The following MARCHF4 variants were observed in gnomAD, a reference collection of about 807,000 sequenced individuals.
MARCHF4 encodes E3 ubiquitin-protein ligase MARCHF4.
A neutral mutation model predicts 43.9 loss-of-function variants in MARCHF4; 14 were observed. The observed-to-expected ratio is 0.32, with a 90% CI of 0.21 to 0.50. MARCHF4 has a LOEUF of 0.50. Among genes scored for constraint, MARCHF4 ranks in the 20% least tolerant of loss-of-function variants. MARCHF4 has a pLI of 0.98. For missense variants in MARCHF4, 468 were observed against 536.7 expected, an observed-to-expected ratio of 0.87 and a Z score of 1.27; for synonymous variants, 226 against 213.3, an observed-to-expected ratio of 1.06 and a Z score of -0.52.
Position 216,282,615 on chromosome 2 carries a change from C to G in MARCHF4, c.672+959G>C, listed in dbSNP as rs113352345. ...TGGAGGTATTTTCAGAAGCAAAATG[C>G]TCTTTGTATGTGTGTGCTCCTCAAA... On this transcript the variant is annotated intron_variant, in intron 2 of 3. Coordinates refer to ENST00000273067, the MANE Select transcript of MARCHF4 (RefSeq NM_020814.3). Among the ~76,000 whole-genome samples the G allele has an allele frequency of 7.2e-3, 1,103 of 152,270 alleles. 13 individuals carry two copies. The highest frequency in any genetic ancestry group is 0.025 in the African/African-American group (1,047 of 41,530).
intron 1 of MARCHF4, among the ~76,000 whole-genome samples, chr2:216,309,627 T>C (rs1691650754): frequency 6.6e-6 from 1 of 152,140 alleles, no homozygotes; most frequent in African/African-American, 2.4e-5. Context: ...TTAAGCTTTA[T>C]TGGAAAAAAC....
At chr2:216,320,691 G>T (rs1574476169) in intron 1 of MARCHF4, among the ~76,000 whole-genome samples, 2 of 102,126 alleles carry the variant, frequency 2.0e-5, no homozygotes, top group African/African-American at 3.8e-5. Flanking sequence ...TTTTTTTTGA[G>T]ATGGAGTCCC....
chr2:216,304,457 G>A (rs1002536625), intron 1 of MARCHF4, among the ~76,000 whole-genome samples: 1 of 152,192 alleles, frequency 6.6e-6, no homozygotes, highest in Non-Finnish European at 1.5e-5. Flanking sequence ...AGAGGAAAGA[G>A]AAGCTGTTTG....
At chr2:216,282,413 C>A (rs908439316) in intron 2 of MARCHF4, among the ~76,000 whole-genome samples, 6 of 152,136 alleles carry the variant, frequency 3.9e-5, no homozygotes, top group Non-Finnish European at 7.4e-5. Context: ...CATGCAAAGA[C>A]CCCACCGCCA....
At chr2:216,318,616 G>A (rs988700520) in intron 1 of MARCHF4, among the ~76,000 whole-genome samples, 1 of 152,170 alleles carries the variant, frequency 6.6e-6, no homozygotes, top group Non-Finnish European at 1.5e-5. Context: ...CAGACAGGGA[G>A]GAGGGCAAGT....
chr2:216,354,915 CTTT>C (rs1692464704), intron 1 of MARCHF4, among the ~76,000 whole-genome samples: 5 of 98,550 alleles, frequency 5.1e-5, no homozygotes, highest in Non-Finnish European at 1.0e-4. Context: ...TTCTTTCTTT[CTTT>C]CTTTCTTTCT....
Position 216,277,376 on chromosome 2 carries a change from G to C in MARCHF4, c.865+296C>G, listed in dbSNP as rs143648371. 1.2e-3 allele frequency among the ~76,000 whole-genome samples: 180 copies of C among 152,330 alleles called. 1 individual carries two copies. The highest frequency in any genetic ancestry group is 3.4e-3 in the Middle Eastern group (1 of 294). On this transcript the variant is annotated intron_variant, in intron 3 of 3. Transcript: ENST00000273067. ...AGAGGAGGCCATGCACATCCTGCTT[G>C]AAGTACATAGACTAACAATTTTTCC...
At chr2:216,320,655 C>CTTTCTTTCTTTA (rs1202098724) in intron 1 of MARCHF4, among the ~76,000 whole-genome samples, 1 of 109,312 alleles carries the variant, frequency 9.1e-6, no homozygotes, top group Non-Finnish European at 1.9e-5. Flanking sequence ...TTCTTTCTTT[C>CTTTCTTTCTTTA]TTTCTTTCTT....
chr2:216,283,392 G>T (rs1691163261), intron 2 of MARCHF4, among the ~76,000 whole-genome samples, 182 bp downstream of exon 2: 1 of 151,972 alleles, frequency 6.6e-6, no homozygotes, highest in Non-Finnish European at 1.5e-5. Context: ...AAGCTTAAGA[G>T]AAAACACAAA....
At chr2:216,348,473 G>A (rs1276224050) in intron 1 of MARCHF4, among the ~76,000 whole-genome samples, 7 of 152,170 alleles carry the variant, frequency 4.6e-5, no homozygotes, top group African/African-American at 1.7e-4. Context: ...TGATGAGAGT[G>A]ACCTCTGGTT....
chr2:216,355,247 C>G (rs1692483061), intron 1 of MARCHF4, among the ~76,000 whole-genome samples: 1 of 152,104 alleles, frequency 6.6e-6, no homozygotes, highest in Non-Finnish European at 1.5e-5. Context: ...GCTGGGATTA[C>G]AGACGTGAGC....
chr2:216,371,201 C>G lies in MARCHF4; in HGVS notation c.-941G>C, dbSNP rs1692753991. ...GGGTGTGTGTACCGGGGTGAGAGGGCAGTGGAGCAGAGAATAGGGGTAGAG... is the reference window on the plus strand; with the variant it reads ...GGGTGTGTGTACCGGGGTGAGAGGGGAGTGGAGCAGAGAATAGGGGTAGAG... On this transcript the variant is annotated 5_prime_UTR_variant, in exon 1 of 4. Transcript: ENST00000273067. 2 of 152,718 alleles carry G rather than the reference C, an allele frequency of 1.3e-5. No homozygotes were observed. The highest frequency in any genetic ancestry group is 4.1e-4 in the South Asian group (2 of 4,824). The allele number at this position is 152,718 out of a possible 1,614,324, so 9.5% of individuals were successfully genotyped here.
intron 2 of MARCHF4, among the ~76,000 whole-genome samples, chr2:216,278,986 T>C (rs912858079): frequency 5.9e-5 from 9 of 152,222 alleles, no homozygotes; most frequent in African/African-American, 2.2e-4. Context: ...ATGCTAGGTG[T>C]TGGCAATGAA....
At chr2:216,266,450 A>G (rs895123866) in intron 3 of MARCHF4, among the ~76,000 whole-genome samples, 2 of 152,176 alleles carry the variant, frequency 1.3e-5, no homozygotes, top group African/African-American at 2.4e-5. Flanking sequence ...CTTGTCCCCA[A>G]CACAAGTACC....
chr2:216,269,239 A>C (rs1187028503), intron 3 of MARCHF4, among the ~76,000 whole-genome samples: 1 of 152,180 alleles, frequency 6.6e-6, no homozygotes, highest in Non-Finnish European at 1.5e-5. Flanking sequence ...TGGAGTTAAA[A>C]AAATGTTTTT....
At chr2:216,354,927 C>CTTTCTT (rs1692467281) in intron 1 of MARCHF4, among the ~76,000 whole-genome samples, 1 of 127,464 alleles carries the variant, frequency 7.8e-6, no homozygotes, top group Admixed American at 8.4e-5. Context: ...TTCTTTCTTT[C>CTTTCTT]TTTCTTTCTT....
rs935599560 is a variant in MARCHF4 at position 216,259,200 on chromosome 2, G to T, written c.*112C>A. 8 of 1,463,398 alleles carry T rather than the reference G, an allele frequency of 5.5e-6. No homozygotes were observed. Among genetic ancestry groups the T allele is most frequent in the Middle Eastern group, 2.5e-4 (1 of 3,974 alleles). The allele number at this position is 1,463,398 out of a possible 1,614,324, so 90.7% of individuals were successfully genotyped here. A position where few individuals can be genotyped will look rare whatever the true frequency, so the allele number is the denominator to read the frequency against. ...GACACTACCCCAGGGCTCCCGCCAG[G>T]TCCCCCACCCTCTGCCTGCTCCCTC... On this transcript the variant is annotated 3_prime_UTR_variant, in exon 4 of 4. Coordinates refer to ENST00000273067, the MANE Select transcript of MARCHF4 (RefSeq NM_020814.3).
intron 1 of MARCHF4, among the ~76,000 whole-genome samples, chr2:216,367,449 GAA>G (rs111286697): frequency 2.0e-5 from 3 of 148,748 alleles, no homozygotes; most frequent in South Asian, 2.1e-4. Context: ...GAAATGCTGT[GAA>G]AAAAAAAATG....
chr2:216,298,168 G>T (rs1255506945), intron 1 of MARCHF4, among the ~76,000 whole-genome samples: 22 of 148,248 alleles, frequency 1.5e-4, no homozygotes. Flanking sequence ...CATCCACCCT[G>T]AAAAGTTCTA....
Sources: gnomAD v4.1 joint callset for allele counts (sites outside exome capture counted in the v4.1 genomes callset) on GRCh38, gnomAD v4.1.1 for gene constraint, MANE v1.5 for transcripts, NCBI Gene and HGNC (gene_info 2026-07-23, HGNC 2026-07-21) for gene names.